CLDN23: variants seen among roughly 807,000 people sequenced by gnomAD.
CLDN23 encodes claudin-23.
In CLDN23, 3 loss-of-function variants were observed where a neutral mutation model predicts 1.4. The ratio of observed to expected loss-of-function variants is 2.10; its 90% CI spans 0.96 to 5.43. The LOEUF is 5.43. Among genes scored for constraint, CLDN23 ranks in the 30% most tolerant of loss-of-function variants. The pLI is 0.02. For missense variants in CLDN23, 597 were observed against 433.5 expected (o/e 1.38, Z -3.35); for synonymous variants, 291 against 209.9 (o/e 1.39, Z -3.34).
chr8:8,702,496 T>G lies in CLDN23; in HGVS notation c.98T>G (p.Val33Gly), dbSNP rs752930660. 5.6e-5 allele frequency: 90 copies of G among 1,606,596 alleles called. No individual in the cohort carries two copies. The highest frequency in any genetic ancestry group is 6.4e-5 in the Non-Finnish European group (75 of 1,177,878). The change falls in exon 1 of 1, where the codon GTG becomes GGG. Residue 33 changes from valine (V) to glycine (G), a missense_variant. Coordinates refer to ENST00000519106, the MANE Select transcript of CLDN23 (RefSeq NM_194284.3). ...ACCCTGGCGCCCGGCTGGCGGCTGG[T>G]GAAGGGCTTCCTGAACCAGCCAGTG... ...TGTLAPGWRL[V>G]KGFLNQPVDV...
chr8:8,702,285 G>C lies in CLDN23; in HGVS notation c.-114G>C, dbSNP rs1021162206. 1 of 1,217,978 alleles carries C rather than the reference G, an allele frequency of 8.2e-7. No individual in the cohort carries two copies. Among genetic ancestry groups the C allele is most frequent in the South Asian group, 1.7e-5 (1 of 59,070 alleles). 75.4% of individuals were successfully genotyped at this position (1,217,978 alleles called of 1,614,324 possible). A position where few individuals can be genotyped will look rare whatever the true frequency, so the allele number is the denominator to read the frequency against. ...CCGACCCGGAGCCCGGGGCGTCCGC[G>C]CTGACTTCGGGTCCCCGGAGCCTGG... On this transcript the variant is annotated 5_prime_UTR_variant, in exon 1 of 1. Coordinates refer to ENST00000519106, the MANE Select transcript of CLDN23 (RefSeq NM_194284.3).
Position 8,703,159 on chromosome 8 carries a change from C to A in CLDN23, c.761C>A (p.Pro254His). 1 of 1,534,636 alleles carries A rather than the reference C, an allele frequency of 6.5e-7. No individual in the cohort carries two copies. The highest frequency in any genetic ancestry group is 2.5e-5 in the East Asian group (1 of 40,120). Residue 254 changes from proline (P) to histidine (H), a missense_variant, in exon 1 of 1, where the codon CCC becomes CAC. Transcript: ENST00000519106. ...GGCTTCCCCATGCCGCGGCCGCGGCCCAAGGCCTACACCAACTCGGTGGAC... is the reference window on the plus strand; with the variant it reads ...GGCTTCCCCATGCCGCGGCCGCGGCACAAGGCCTACACCAACTCGGTGGAC... ...KVGFPMPRPR[P>H]KAYTNSVDVL...
rs1168879031 is a variant in CLDN23, at chr8:8,703,373, C to G, written c.*96C>G. The G allele has an allele frequency of 1.0e-5, 12 of 1,184,938 alleles. No homozygotes were observed. The highest frequency in any genetic ancestry group is 4.0e-5 in the Admixed American group (1 of 24,692). The allele number at this position is 1,184,938 out of a possible 1,614,324, so 73.4% of individuals were successfully genotyped here. On this transcript the variant is annotated 3_prime_UTR_variant, in exon 1 of 1. Coordinates refer to ENST00000519106, the MANE Select transcript of CLDN23 (RefSeq NM_194284.3). ...TTGGAACCCGGACACTTGCCCCTCACTGGTGTGGATGGAAATCTGCCTTTC... is the reference window on the plus strand; with the variant it reads ...TTGGAACCCGGACACTTGCCCCTCAGTGGTGTGGATGGAAATCTGCCTTTC...
chr8:8,702,839 C>G lies in CLDN23; in HGVS notation c.441C>G (p.Ala147=), dbSNP rs758840031. Residue 147 remains alanine (A), a synonymous_variant, in exon 1 of 1, where the codon GCC becomes GCG. Coordinates refer to ENST00000519106, the MANE Select transcript of CLDN23 (RefSeq NM_194284.3). The part of the protein sequence containing the change: ...HFLGDRDVLP[A]PASPVTVQVS... ...TGGGGGACCGCGACGTGCTGCCCGC[C>G]CCGGCCAGCCCGGTCACGGTGCAGG... The G allele has an allele frequency of 6.2e-7, 1 of 1,606,622 alleles. No homozygotes were observed. The highest frequency in any genetic ancestry group is 8.5e-7 in the Non-Finnish European group (1 of 1,178,008).
chr8:8,702,933 C>G lies in CLDN23; in HGVS notation c.535C>G (p.Leu179Val), dbSNP rs773150174. 1.9e-6 allele frequency: 3 copies of G among 1,569,246 alleles called. No homozygotes were observed. The highest frequency in any genetic ancestry group is 2.7e-5 in the African/African-American group (2 of 74,046). ...LLLLGGFSLA[L>V]SFAPWCDERC... ...GCTGCTGGGCGGCTTCTCGCTGGCGCTCAGCTTCGCGCCCTGGTGCGACGA... is the reference window on the plus strand; with the variant it reads ...GCTGCTGGGCGGCTTCTCGCTGGCGGTCAGCTTCGCGCCCTGGTGCGACGA... Residue 179 changes from leucine to valine, a missense_variant, in exon 1 of 1, where the codon CTC (leucine) becomes GTC (valine). By Grantham distance (32) the Leu-to-Val change is conservative (BLOSUM62 1). Coordinates refer to ENST00000519106, the MANE Select transcript of CLDN23 (RefSeq NM_194284.3).
At position 8,702,490 on chromosome 8, in the gene CLDN23, G is replaced by A. The variant is rs766860179; in HGVS notation, c.92G>A (p.Arg31Gln). ...ACCGGCACCCTGGCGCCCGGCTGGC[G>A]GCTGGTGAAGGGCTTCCTGAACCAG... ...NLTGTLAPGW[R>Q]LVKGFLNQPV... Residue 31 changes from arginine (R) to glutamine (Q), a missense_variant, in exon 1 of 1, where the codon CGG (arginine) becomes CAG (glutamine). Transcript: ENST00000519106. 2.5e-6 allele frequency: 4 copies of A among 1,607,194 alleles called. No homozygotes were observed. Among genetic ancestry groups the A allele is most frequent in the Admixed American group, 1.7e-5 (1 of 59,612 alleles).
Position 8,702,899 on chromosome 8 carries a change from C to A in CLDN23, c.501C>A (p.Ser167Arg). Residue 167 changes from serine (S) to arginine (R), a missense_variant, in exon 1 of 1, where the codon AGC becomes AGA. Ser to Arg is a moderately radical substitution (Grantham distance 110). Coordinates refer to ENST00000519106, the MANE Select transcript of CLDN23 (RefSeq NM_194284.3). Reference sequence around the variant, plus strand: ...GCCTGGTCCTGGGCTACCTGGGCAGCTGCCTCCTGCTGCTGGGCGGCTTCT... The same window carrying A: ...GCCTGGTCCTGGGCTACCTGGGCAGATGCCTCCTGCTGCTGGGCGGCTTCT... ...SYSLVLGYLG[S>R]CLLLLGGFSL... 6.4e-7 allele frequency: 1 copy of A among 1,571,632 alleles called. No homozygotes were observed. The highest frequency in any genetic ancestry group is 8.6e-7 in the Non-Finnish European group (1 of 1,159,448).
chr8:8,703,005 A>G lies in CLDN23; in HGVS notation c.607A>G (p.Ser203Gly). The G allele has an allele frequency of 1.3e-6, 2 of 1,561,610 alleles. No individual in the cohort carries two copies. Among genetic ancestry groups the G allele is most frequent in the Non-Finnish European group, 1.7e-6 (2 of 1,159,342 alleles). The change falls in exon 1 of 1, where the codon AGC becomes GGC. Residue 203 changes from serine to glycine, a missense_variant. By Grantham distance (56) the Ser-to-Gly change is moderately conservative. Coordinates refer to ENST00000519106, the MANE Select transcript of CLDN23 (RefSeq NM_194284.3). ...RKGPSAGPRR[S>G]SVSTIQVEWP... is the part of the protein sequence containing the mutation. ...GGGACCCTCCGCCGGGCCTCGCCGC[A>G]GCAGCGTCAGCACCATCCAAGTGGA...
Position 8,703,013 on chromosome 8 carries a change from C to G in CLDN23, c.615C>G (p.Val205=). Residue 205 remains valine (V), a synonymous_variant, in exon 1 of 1, where the codon GTC becomes GTG. Coordinates refer to ENST00000519106, the MANE Select transcript of CLDN23 (RefSeq NM_194284.3). ...GPSAGPRRSS[V]STIQVEWPEP... is the part of the protein sequence containing the mutation. ...CCGCCGGGCCTCGCCGCAGCAGCGT[C>G]AGCACCATCCAAGTGGAGTGGCCCG... The G allele has an allele frequency of 2.6e-6, 4 of 1,559,150 alleles. No individual in the cohort carries two copies. Among genetic ancestry groups the G allele is most frequent in the Non-Finnish European group, 3.5e-6 (4 of 1,158,960 alleles).
At position 8,703,319 on chromosome 8, in the gene CLDN23, A is replaced by C. The variant is rs1802811737; in HGVS notation, c.*42A>C. 3 of 1,323,118 alleles carry C rather than the reference A, an allele frequency of 2.3e-6. No homozygotes were observed. The highest frequency in any genetic ancestry group is 1.5e-5 in the African/African-American group (1 of 64,778). The allele number at this position is 1,323,118 out of a possible 1,614,324, so 82.0% of individuals were successfully genotyped here. A position where few individuals can be genotyped will look rare whatever the true frequency, so the allele number is the denominator to read the frequency against. On this transcript the variant is annotated 3_prime_UTR_variant, in exon 1 of 1. Coordinates refer to ENST00000519106, the MANE Select transcript of CLDN23 (RefSeq NM_194284.3). Reference sequence around the variant, plus strand: ...GGGGGCGCCGGGTGGCAAAGGACTCACCCCCGCACAGGCCCGCCTGGCTTC... The same window carrying C: ...GGGGGCGCCGGGTGGCAAAGGACTCCCCCCCGCACAGGCCCGCCTGGCTTC...
At position 8,703,041 on chromosome 8, in the gene CLDN23, C is replaced by A; in HGVS notation, c.643C>A (p.Pro215Thr). 6.5e-7 allele frequency: 1 copy of A among 1,530,604 alleles called. No homozygotes were observed. Among genetic ancestry groups the A allele is most frequent in the Non-Finnish European group, 8.7e-7 (1 of 1,144,314 alleles). The allele number at this position is 1,530,604 out of a possible 1,614,324, so 94.8% of individuals were successfully genotyped here. Residue 215 changes from proline to threonine, a missense_variant, in exon 1 of 1, where the codon CCC (proline) becomes ACC (threonine). Coordinates refer to ENST00000519106, the MANE Select transcript of CLDN23 (RefSeq NM_194284.3). ...CACCATCCAAGTGGAGTGGCCCGAG[C>A]CCGACCTGGCGCCCGCCATCAAGTA... ...VSTIQVEWPE[P>T]DLAPAIKYYS...
chr8:8,702,895 G>T lies in CLDN23; in HGVS notation c.497G>T (p.Gly166Val). 6.3e-7 allele frequency: 1 copy of T among 1,575,978 alleles called. No individual in the cohort carries two copies. Residue 166 changes from glycine to valine, a missense_variant, in exon 1 of 1, where the codon GGC becomes GTC. Physicochemically the swap from Gly to Val is moderately radical, Grantham distance 109 (BLOSUM62 -3). Transcript: ENST00000519106. ...VSYSLVLGYLGSCLLLLGGFS... is the reference protein window; with the variant it reads ...VSYSLVLGYLVSCLLLLGGFS... ...TACAGCCTGGTCCTGGGCTACCTGG[G>T]CAGCTGCCTCCTGCTGCTGGGCGGC...
At position 8,703,484 on chromosome 8, in the gene CLDN23, G is replaced by A. The variant is rs770944122; in HGVS notation, c.*207G>A. ...AGAGTTTAGTTTTCCTCTCCAGAGG[G>A]ATCAGGGTCCTCTTAGGGAGTGACG... On this transcript the variant is annotated 3_prime_UTR_variant, in exon 1 of 1. Coordinates refer to ENST00000519106, the MANE Select transcript of CLDN23 (RefSeq NM_194284.3). 61 of 443,664 alleles carry A rather than the reference G, an allele frequency of 1.4e-4. No individual in the cohort carries two copies. The highest frequency in any genetic ancestry group is 2.2e-4 in the Admixed American group (5 of 22,664). The allele number at this position is 443,664 out of a possible 1,614,324, so 27.5% of individuals were successfully genotyped here. A position where few individuals can be genotyped will look rare whatever the true frequency, so the allele number is the denominator to read the frequency against.
rs887492488 is a variant in CLDN23, at chr8:8,702,219, G to T, written c.-180G>T. 1.5e-5 allele frequency: 8 copies of T among 538,530 alleles called. No homozygotes were observed. The highest frequency in any genetic ancestry group is 2.4e-5 in the Non-Finnish European group (8 of 328,880). The allele number at this position is 538,530 out of a possible 1,614,324, so 33.4% of individuals were successfully genotyped here. A position where few individuals can be genotyped will look rare whatever the true frequency, so the allele number is the denominator to read the frequency against. ...CCTAAGTGGGGACGGTCCCCGTGCA[G>T]GAGACAAAGAGCGTCCCTGGAGCGA... On this transcript the variant is annotated 5_prime_UTR_variant, in exon 1 of 1. The change creates a new upstream start codon in the 5' untranslated region. Transcript: ENST00000519106.
chr8:8,702,258 G>C lies in CLDN23; in HGVS notation c.-141G>C. On this transcript the variant is annotated 5_prime_UTR_variant, in exon 1 of 1. Coordinates refer to ENST00000519106, the MANE Select transcript of CLDN23 (RefSeq NM_194284.3). ...TCCCTGGAGCGATCAGGGCTCAGGA[G>C]CCCGACCCGGAGCCCGGGGCGTCCG... is the stretch of plus-strand genomic sequence containing the variant. The C allele has an allele frequency of 1.1e-6, 1 of 885,356 alleles. No individual in the cohort carries two copies. The highest frequency in any genetic ancestry group is 1.6e-6 in the Non-Finnish European group (1 of 609,560). The allele number at this position is 885,356 out of a possible 1,614,324, so 54.8% of individuals were successfully genotyped here.
Position 8,702,582 on chromosome 8 carries a change from G to C in CLDN23, c.184G>C (p.Glu62Gln). The change falls in exon 1 of 1, where the codon GAG becomes CAG. Residue 62 changes from glutamate to glutamine, a missense_variant. Physicochemically the swap from Glu to Gln is conservative, Grantham distance 29. Coordinates refer to ENST00000519106, the MANE Select transcript of CLDN23 (RefSeq NM_194284.3). ...TCGCGAGCAGAGCAGCCGCGAGCGC[G>C]AGTGCGGCCAGACGGACCAGTGGGG... ...MCREQSSRERECGQTDQWGYF... is the reference protein window; with the variant it reads ...MCREQSSRERQCGQTDQWGYF... 1 of 1,609,664 alleles carries C rather than the reference G, an allele frequency of 6.2e-7. No individual in the cohort carries two copies.
rs773845230 is a variant in CLDN23 at position 8,702,540 on chromosome 8, G to C, written c.142G>C (p.Gly48Arg). The C allele has an allele frequency of 3.7e-6, 6 of 1,611,836 alleles. No individual in the cohort carries two copies. The Admixed American group carries it at 8.3e-5, about 22-fold the overall frequency. Reference protein sequence around the residue: ...NQPVDVELYQGLWDMCREQSS... With the variant: ...NQPVDVELYQRLWDMCREQSS... The stretch of plus-strand genomic sequence containing the variant: ...GCCAGTGGACGTGGAGTTGTACCAG[G>C]GCCTGTGGGACATGTGTCGCGAGCA... The change falls in exon 1 of 1, where the codon GGC becomes CGC. Residue 48 changes from glycine to arginine, a missense_variant. Transcript: ENST00000519106.
At position 8,702,653 on chromosome 8, in the gene CLDN23, C is replaced by A; in HGVS notation, c.255C>A (p.Val85=). Residue 85 remains valine (V), a synonymous_variant, in exon 1 of 1, where the codon GTC becomes GTA. Coordinates refer to ENST00000519106, the MANE Select transcript of CLDN23 (RefSeq NM_194284.3). ...QPVLVARALM[V]TSLAATVLGL... Reference sequence around the variant, plus strand: ...TGCTGGTGGCGCGGGCACTCATGGTCACCTCGCTGGCCGCCACGGTCCTGG... The same window carrying A: ...TGCTGGTGGCGCGGGCACTCATGGTAACCTCGCTGGCCGCCACGGTCCTGG... The A allele has an allele frequency of 6.2e-7, 1 of 1,604,524 alleles. No homozygotes were observed.
rs1407403438 is a variant in CLDN23 at position 8,702,748 on chromosome 8, C to T, written c.350C>T (p.Ser117Leu). The part of the protein sequence containing the change: ...DEPNFVLAGL[S>L]GVVLFVAGLL... ...CCCAACTTCGTGCTGGCAGGGCTCT[C>T]GGGCGTCGTGCTCTTCGTCGCTGGC... Residue 117 changes from serine to leucine, a missense_variant, in exon 1 of 1, where the codon TCG becomes TTG. Transcript: ENST00000519106. 5.6e-6 allele frequency: 9 copies of T among 1,609,512 alleles called. No homozygotes were observed. Among genetic ancestry groups the T allele is most frequent in the Non-Finnish European group, 5.9e-6 (7 of 1,179,546 alleles).
Sources: allele counts gnomAD v4.1 joint callset, GRCh38; gene constraint gnomAD v4.1.1; transcripts MANE v1.5; gene names NCBI Gene and HGNC (gene_info 2026-07-23, HGNC 2026-07-21).